UNC13C: variants seen among roughly 807,000 people sequenced by gnomAD.
The protein encoded by UNC13C is unc-13 homolog C.
UNC13C carries 174 observed loss-of-function variants against 245.4 expected under a neutral mutation model. The observed-to-expected ratio is 0.71, with a 90% CI of 0.63 to 0.80. UNC13C has a LOEUF of 0.80. Among genes scored for constraint, UNC13C ranks in the 30% least tolerant of loss-of-function variants. The pLI, the probability that UNC13C is intolerant of heterozygous loss-of-function variation, is 0.00. For missense variants in UNC13C, 2,829 were observed against 2,602.9 expected (o/e 1.09, Z -1.89); for synonymous variants, 992 against 895.1 (o/e 1.11, Z -1.93).
At chr15:54,200,013 A>C (rs949280169) in intron 4 of UNC13C, among the ~76,000 whole-genome samples, 1 of 152,156 alleles carries the variant, frequency 6.6e-6, no homozygotes, top group South Asian at 2.1e-4. Context: ...ATGGACACCA[A>C]AAGTGACTAG....
chr15:53,893,220 C>T, the UNC13C span, among the ~76,000 whole-genome samples: 1 of 152,212 alleles, frequency 6.6e-6, no homozygotes, highest in South Asian at 2.1e-4. Context: ...GTTCTTTTCT[C>T]TGGAAGCTTT....
At chr15:54,503,800 T>C (rs1223272872) in intron 22 of UNC13C, among the ~76,000 whole-genome samples, 2 of 152,196 alleles carry the variant, frequency 1.3e-5, no homozygotes, top group Non-Finnish European at 2.9e-5. Context: ...GACTGACTAA[T>C]TAGTCTTGAA....
intron 10 of UNC13C, among the ~76,000 whole-genome samples, chr15:54,280,897 A>G (rs1358170007): frequency 6.6e-6 from 1 of 151,794 alleles, no homozygotes; most frequent in Non-Finnish European, 1.5e-5. Context: ...TCCCAGGCTC[A>G]AGCGATTTTC....
At chr15:54,630,644 G>GATGT (rs1901439800), downstream of UNC13C, 1 of 152,050 alleles carries the variant, frequency 6.6e-6, no homozygotes, top group Non-Finnish European at 1.5e-5. Context: ...TAACTCCCCT[G>GATGT]ATGTTACCTG....
At chr15:54,127,177 C>T (rs2031099141) in intron 2 of UNC13C, among the ~76,000 whole-genome samples, 2 of 152,126 alleles carry the variant, frequency 1.3e-5, no homozygotes, top group African/African-American at 4.8e-5. Context: ...ACCAGAAATA[C>T]CATTTGACCC....
At chr15:53,986,418 T>C (rs750737624) in intron 1 of UNC13C, among the ~76,000 whole-genome samples, 5 of 152,092 alleles carry the variant, frequency 3.3e-5, no homozygotes, top group Non-Finnish European at 5.9e-5. Flanking sequence ...ATTTCTCTTA[T>C]AGTTGATTCC....
the UNC13C span, among the ~76,000 whole-genome samples, chr15:53,871,017 G>A: frequency 6.6e-6 from 1 of 152,144 alleles, no homozygotes; most frequent in Non-Finnish European, 1.5e-5. Context: ...TTTCCCAGTT[G>A]CCAGTCATGT....
the UNC13C span, among the ~76,000 whole-genome samples, chr15:53,843,133 G>T: frequency 2.4e-4 from 36 of 152,082 alleles, no homozygotes; most frequent in African/African-American, 8.4e-4. Context: ...CAATGAATTG[G>T]GTCACCTATT....
the UNC13C span, among the ~76,000 whole-genome samples, chr15:53,944,929 A>AT: frequency 1.3e-4 from 20 of 151,948 alleles, no homozygotes; most frequent in Non-Finnish European, 2.8e-4. Flanking sequence ...AGCATCTGTT[A>AT]TTTTTTACTT....
At chr15:54,150,673 T>C (rs1253860556) in intron 4 of UNC13C, among the ~76,000 whole-genome samples, 1 of 152,168 alleles carries the variant, frequency 6.6e-6, no homozygotes, top group Non-Finnish European at 1.5e-5. Context: ...ACTTAGAAAG[T>C]CATAAGATCA....
At chr15:54,354,316 T>G (rs2039046969) in intron 17 of UNC13C, among the ~76,000 whole-genome samples, 1 of 152,252 alleles carries the variant, frequency 6.6e-6, no homozygotes, top group Non-Finnish European at 1.5e-5. Context: ...CTTGTTTTTG[T>G]GCTAAATTCA....
At chr15:53,949,917 C>A in the UNC13C span, among the ~76,000 whole-genome samples, 2 of 152,162 alleles carry the variant, frequency 1.3e-5, no homozygotes, top group African/African-American at 4.8e-5. Flanking sequence ...TCAGGTTTAA[C>A]TAACATTAAA....
At chr15:54,123,424 T>C (rs2030816009) in intron 2 of UNC13C, among the ~76,000 whole-genome samples, 1 of 151,550 alleles carries the variant, frequency 6.6e-6, no homozygotes, top group Non-Finnish European at 1.5e-5. Context: ...ATATGTATTT[T>C]TTTCTTAGTA....
chr15:54,167,427 G>A (rs1410648373), intron 4 of UNC13C, among the ~76,000 whole-genome samples: 1 of 150,000 alleles, frequency 6.7e-6, no homozygotes, highest in Non-Finnish European at 1.5e-5. Context: ...GCGTGAACCC[G>A]GGAGGCGGAG....
the UNC13C span, among the ~76,000 whole-genome samples, chr15:53,932,517 G>A: frequency 6.6e-6 from 1 of 152,070 alleles, no homozygotes; most frequent in Non-Finnish European, 1.5e-5. Flanking sequence ...ACAAGAAAAT[G>A]AACAAGGGAA....
At chr15:54,046,909 A>C (rs1897061430) in intron 2 of UNC13C, among the ~76,000 whole-genome samples, 1 of 152,044 alleles carries the variant, frequency 6.6e-6, no homozygotes, top group African/African-American at 2.4e-5. Context: ...TTAAAAAAAA[A>C]CTAGACATAG....
intron 4 of UNC13C, among the ~76,000 whole-genome samples, chr15:54,187,288 T>C (rs2034024647): frequency 6.6e-6 from 1 of 152,120 alleles, no homozygotes; most frequent in Non-Finnish European, 1.5e-5. Context: ...CATTTCTACA[T>C]CCATTCTTGC....
chr15:53,892,430 A>T, the UNC13C span, among the ~76,000 whole-genome samples: 1 of 152,082 alleles, frequency 6.6e-6, no homozygotes, highest in Non-Finnish European at 1.5e-5. Flanking sequence ...CTGTCTTGCT[A>T]GGTTGGGGAA....
intron 32 of UNC13C, among the ~76,000 whole-genome samples, chr15:54,625,015 A>G (rs188290322): frequency 2.1e-3 from 322 of 152,230 alleles, no homozygotes; most frequent in Non-Finnish European, 3.6e-3. Context: ...TATTATTGAA[A>G]TACACTATTA....
Sources: allele counts gnomAD v4.1 joint callset (sites outside exome capture counted in the v4.1 genomes callset), GRCh38; gene constraint gnomAD v4.1.1; transcripts MANE v1.5; gene names NCBI Gene and HGNC (gene_info 2026-07-23, HGNC 2026-07-21).